The following ZIC4 variants were observed in gnomAD, a reference collection of about 807,000 sequenced individuals.
The protein encoded by ZIC4 is Zic family zinc finger 4, also known as zinc finger protein ZIC 4.
ZIC4 carries 15 observed loss-of-function variants against 28.8 expected under a neutral mutation model. The observed-to-expected ratio is 0.52, with a 90% CI of 0.35 to 0.80. The LOEUF is 0.80. Among genes scored for constraint, ZIC4 ranks in the 30% least tolerant of loss-of-function variants. ZIC4 has a pLI of 0.01. For missense variants in ZIC4, 512 were observed against 467.1 expected (o/e 1.10, Z -0.89); for synonymous variants, 220 against 198.1 (o/e 1.11, Z -0.93).
At chr3:147,392,970 AT>A (rs1156607098) in intron 3 of ZIC4, 4 of 151,768 alleles carry the variant, frequency 2.6e-5, no homozygotes, top group African/African-American at 7.3e-5. Flanking sequence ...ATCTCCTCTG[AT>A]TCCTGCCAGC....
chr3:147,390,909 G>C (rs1576454777), intron 4 of ZIC4, 22 bp downstream of exon 4: 1 of 1,589,982 alleles, frequency 6.3e-7, no homozygotes. Context: ...CCGCTATGGG[G>C]CCCAAGCCCT....
intron 2 of ZIC4, among the ~76,000 whole-genome samples, chr3:147,400,710 C>T (rs1473130020): frequency 6.6e-6 from 1 of 152,172 alleles, no homozygotes. Flanking sequence ...GTATCCAGTT[C>T]AAGGTGATGG....
chr3:147,390,885 C>A, intron 4 of ZIC4, 46 bp downstream of exon 4: 3 of 1,557,774 alleles, frequency 1.9e-6, no homozygotes, highest in South Asian at 1.2e-5. Flanking sequence ...GGCTGAGGAT[C>A]GCGGCGGGGG....
intron 2 of ZIC4, among the ~76,000 whole-genome samples, chr3:147,401,474 C>A (rs188338364): frequency 5.3e-5 from 8 of 150,816 alleles, no homozygotes; most frequent in Non-Finnish European, 1.2e-4. Context: ...CAAGTCTTGT[C>A]ATCTGAATGT....
Position 147,395,874 on chromosome 3 carries a change from T to A in ZIC4, c.666A>T (p.Lys222Asn). Residue 222 changes from lysine (K) to asparagine (N), a missense_variant, in exon 3 of 5, where the codon AAA becomes AAT. Coordinates refer to ENST00000383075, the MANE Select transcript of ZIC4 (RefSeq NM_032153.6). ...GACCTGTGTGAGTTCGTTTGTGTATTTTGAGATTTTCTGATCTAGCAAAGA... is the reference window on the plus strand; with the variant it reads ...GACCTGTGTGAGTTCGTTTGTGTATATTGAGATTTTCTGATCTAGCAAAGA... The part of the protein sequence containing the change: ...GKVFARSENL[K>N]IHKRTHTGEK... 6.2e-7 allele frequency: 1 copy of A among 1,613,726 alleles called. No homozygotes were observed. The highest frequency in any genetic ancestry group is 8.5e-7 in the Non-Finnish European group (1 of 1,179,722).
At chr3:147,392,422 C>A in intron 3 of ZIC4, 5 of 985,466 alleles carry the variant, frequency 5.1e-6, no homozygotes, top group Non-Finnish European at 6.0e-6. Context: ...GGGGAGCTCA[C>A]GGCCAGCTGA....
In ZIC4 at chr3:147,391,049, A is replaced by G; in HGVS notation, c.886T>C (p.Ser296Pro). The G allele has an allele frequency of 6.2e-7, 1 of 1,613,930 alleles. No individual in the cohort carries two copies. Among genetic ancestry groups the G allele is most frequent in the Non-Finnish European group, 8.5e-7 (1 of 1,179,990 alleles). The change falls in exon 4 of 5, where the codon TCT (serine) becomes CCT (proline). Residue 296 changes from serine (S) to proline (P), a missense_variant. Transcript: ENST00000383075. ...GACGGTGTAGCCGAATCGTAGCCAG[A>G]GCTGGGCGGCGGCGAGCGCCCGTGC... is the stretch of plus-strand genomic sequence containing the variant. ...KVHGRSPPPSSGYDSATPSAL... is the reference protein window; with the variant it reads ...KVHGRSPPPSPGYDSATPSAL...
chr3:147,398,884 A>T (rs1238668397), intron 2 of ZIC4, among the ~76,000 whole-genome samples: 2 of 151,988 alleles, frequency 1.3e-5, no homozygotes, highest in African/African-American at 2.4e-5. Context: ...GGCCTTAAAA[A>T]ATTTTTTTTT....
At chr3:147,400,199 C>A (rs1289372361) in intron 2 of ZIC4, among the ~76,000 whole-genome samples, 1 of 152,086 alleles carries the variant, frequency 6.6e-6, no homozygotes, top group Non-Finnish European at 1.5e-5. Flanking sequence ...TTTTTCTCCT[C>A]CAAGTTTATG....
Position 147,402,805 on chromosome 3 carries a change from CTT to C in ZIC4, c.-10_-9del. 1 of 1,613,488 alleles carries C rather than the reference CTT, an allele frequency of 6.2e-7. No homozygotes were observed. The highest frequency in any genetic ancestry group is 1.1e-5 in the South Asian group (1 of 90,970). On this transcript the variant is annotated 5_prime_UTR_variant, in exon 2 of 5. Coordinates refer to ENST00000383075, the MANE Select transcript of ZIC4 (RefSeq NM_032153.6). ...GGATGTCTTGTATCTCATTTTCTGA[CTT>C]TGAGCCTGTTTGGGAAGAAAAGAGT... is the stretch of plus-strand genomic sequence containing the variant.
chr3:147,392,035 G>A, intron 3 of ZIC4: 1 of 985,556 alleles, frequency 1.0e-6, no homozygotes, highest in South Asian at 4.7e-5. Flanking sequence ...CTGCTCCAGA[G>A]GCTTCCTGGA....
In ZIC4 at chr3:147,390,927, G is replaced by A. The variant is rs777058355; in HGVS notation, c.1004+4C>T. The stretch of plus-strand genomic sequence containing the variant: ...CTATGGGGCCCAAGCCCTGACACAC[G>A]TACCATTCGCTCAAGTCGGCGGTAC... On this transcript the variant is annotated splice_donor_region_variant and intron_variant, in intron 4 of 4. Transcript: ENST00000383075. The A allele has an allele frequency of 4.4e-6, 7 of 1,605,828 alleles. No individual in the cohort carries two copies. Among genetic ancestry groups the A allele is most frequent in the Non-Finnish European group, 3.4e-6 (4 of 1,176,274 alleles).
At chr3:147,402,918 A>G (rs1393819139) in intron 1 of ZIC4, 106 bp from the exon 2 acceptor site, 1 of 929,430 alleles carries the variant, frequency 1.1e-6, no homozygotes, top group East Asian at 2.5e-5. Flanking sequence ...AGTTGATCTG[A>G]AGATCTTTCG....
At chr3:147,404,360 G>T (rs1480242082) in intron 1 of ZIC4, 2 of 1,172,822 alleles carry the variant, frequency 1.7e-6, no homozygotes, top group Non-Finnish European at 2.1e-6. Flanking sequence ...TTGGACTAGG[G>T]CAGGCAACAG....
intron 4 of ZIC4, 59 bp downstream of exon 4, chr3:147,390,872 C>A: frequency 6.5e-7 from 1 of 1,540,844 alleles, no homozygotes; most frequent in South Asian, 1.3e-5. Flanking sequence ...GGTGGTAGCT[C>A]GGGGCTGAGG....
chr3:147,393,958 A>G, intron 3 of ZIC4: 1 of 456,694 alleles, frequency 2.2e-6, no homozygotes, highest in South Asian at 1.5e-5. Context: ...GGAGAATCTC[A>G]GCTCCTGAGA....
At chr3:147,389,227 T>C (rs2086858033) in intron 4 of ZIC4, 2 of 272,666 alleles carry the variant, frequency 7.3e-6, no homozygotes, top group South Asian at 8.7e-5. Context: ...CATTTTTTAT[T>C]TGGAGTCATG....
chr3:147,404,374 C>T (rs2087230742), intron 1 of ZIC4: 1 of 1,032,948 alleles, frequency 9.7e-7, no homozygotes, highest in Non-Finnish European at 1.2e-6. Context: ...GCAACAGGGA[C>T]CTTAGGAGGC....
Position 147,387,402 on chromosome 3 carries a change from G to A in ZIC4, c.*1457C>T, listed in dbSNP as rs953106385. 1 of 152,606 alleles carries A rather than the reference G, an allele frequency of 6.6e-6. No homozygotes were observed. Among genetic ancestry groups the A allele is most frequent in the Non-Finnish European group, 1.5e-5 (1 of 68,044 alleles). The allele number at this position is 152,606 out of a possible 1,614,324, so 9.5% of individuals were successfully genotyped here. A position where few individuals can be genotyped will look rare whatever the true frequency, so the allele number is the denominator to read the frequency against. The stretch of plus-strand genomic sequence containing the variant: ...ACAAAGAACCTTTTACGTTTCATCA[G>A]CGTTGTTAGGACGACAAGCAGGAAT... On this transcript the variant is annotated 3_prime_UTR_variant, in exon 5 of 5. Coordinates refer to ENST00000383075, the MANE Select transcript of ZIC4 (RefSeq NM_032153.6).
Sources: allele counts gnomAD v4.1 joint callset (sites outside exome capture counted in the v4.1 genomes callset), GRCh38; gene constraint gnomAD v4.1.1; transcripts MANE v1.5; gene names NCBI Gene and HGNC (gene_info 2026-07-23, HGNC 2026-07-21).